LARS2: variants seen among roughly 807,000 people sequenced by gnomAD.
LARS2 encodes leucine--tRNA ligase, mitochondrial.
LARS2 carries 81 observed loss-of-function variants against 116.6 expected under a neutral mutation model. That is an observed-to-expected ratio of 0.69 (90% CI 0.58 to 0.84). The LOEUF (loss-of-function observed/expected upper bound fraction) is 0.84. Ranked by LOEUF, LARS2 falls within the 40% of genes least tolerant of loss-of-function variation. The probability of loss-of-function intolerance (pLI) is 0.00; values close to 1 mark genes in which losing one functional copy is unlikely to be tolerated. For missense variants in LARS2, 968 were observed against 1,114.5 expected, an observed-to-expected ratio of 0.87 and a Z score of 1.87; for synonymous variants, 396 against 407.2, an observed-to-expected ratio of 0.97 and a Z score of 0.33.
intron 10 of LARS2, among the ~76,000 whole-genome samples, chr3:45,480,325 T>C (rs1018992635): frequency 4.6e-5 from 7 of 152,248 alleles, no homozygotes; most frequent in Non-Finnish European, 1.0e-4. Flanking sequence ...CACGGAGCCC[T>C]GTTTCCATGC....
intron 7 of LARS2, among the ~76,000 whole-genome samples, chr3:45,447,183 A>G (rs1471410102): frequency 2.0e-5 from 3 of 152,064 alleles, no homozygotes; most frequent in Non-Finnish European, 4.4e-5. Flanking sequence ...CCCATAACCT[A>G]TTGTCTGGTT....
chr3:45,499,107 G>A (rs1700072432), intron 14 of LARS2, among the ~76,000 whole-genome samples: 2 of 151,946 alleles, frequency 1.3e-5, no homozygotes, highest in Admixed American at 1.3e-4. Flanking sequence ...CAGCTGGACT[G>A]AACGTAGCAA....
chr3:45,526,275 T>G (rs916944718), intron 20 of LARS2, among the ~76,000 whole-genome samples: 13 of 152,242 alleles, frequency 8.5e-5, no homozygotes, highest in Non-Finnish European at 1.8e-4. Flanking sequence ...ACCTCTCAAA[T>G]GAACAATTTT....
intron 10 of LARS2, among the ~76,000 whole-genome samples, chr3:45,479,449 G>C (rs1699663037): frequency 6.6e-6 from 1 of 152,162 alleles, no homozygotes; most frequent in Non-Finnish European, 1.5e-5. Context: ...GAGGGAACAG[G>C]TCTGAGAAGT....
chr3:45,517,300 A>T (rs951971056), intron 17 of LARS2, among the ~76,000 whole-genome samples: 1 of 152,204 alleles, frequency 6.6e-6, no homozygotes, highest in African/African-American at 2.4e-5. Flanking sequence ...AAGGACCTGG[A>T]CTGACCCTAA....
Position 45,491,688 on chromosome 3 carries a change from C to G in LARS2, c.1411C>G (p.Pro471Ala), listed in dbSNP as rs1188557066. Residue 471 changes from proline (P) to alanine (A), a missense_variant, in exon 13 of 22, where the codon CCT becomes GCT. By Grantham distance (27) the Pro-to-Ala change is conservative (BLOSUM62 -1). Transcript: ENST00000645846. ...CCACTGCCCAGTCTGTGGCCCCACACCTGTGCCCCTGGAGGACTTGCCTGT... is the reference window on the plus strand; with the variant it reads ...CCACTGCCCAGTCTGTGGCCCCACAGCTGTGCCCCTGGAGGACTTGCCTGT... ...IVHCPVCGPT[P>A]VPLEDLPVTL... 10 of 1,614,228 alleles carry G rather than the reference C, an allele frequency of 6.2e-6. No individual in the cohort carries two copies. Among genetic ancestry groups the G allele is most frequent in the Non-Finnish European group, 7.6e-6 (9 of 1,180,036 alleles).
chr3:45,445,284 C>T (rs1699000497), intron 6 of LARS2, among the ~76,000 whole-genome samples: 1 of 152,158 alleles, frequency 6.6e-6, no homozygotes, highest in African/African-American at 2.4e-5. Context: ...ATAGCTCCTG[C>T]CCTGGGTTTT....
At chr3:45,506,427 T>C (rs941233793) in intron 15 of LARS2, among the ~76,000 whole-genome samples, 2 of 152,112 alleles carry the variant, frequency 1.3e-5, no homozygotes, top group African/African-American at 4.8e-5. Context: ...TCCAAACAAC[T>C]TTATCAAGCT....
Position 45,547,654 on chromosome 3 carries a change from G to C in LARS2, c.*124G>C. 2 of 889,334 alleles carry C rather than the reference G, an allele frequency of 2.2e-6. No homozygotes were observed. The highest frequency in any genetic ancestry group is 3.4e-5 in the South Asian group (2 of 59,378). 55.1% of individuals were successfully genotyped at this position (889,334 alleles called of 1,614,324 possible). ...ACAAATGTCTTGACTGTTGACCTCG[G>C]TCCTGTGGCAGACTGCAGTCAACAG... On this transcript the variant is annotated 3_prime_UTR_variant, in exon 22 of 22. Transcript: ENST00000645846.
At chr3:45,519,923 C>T in intron 18 of LARS2, 1 of 302,794 alleles carries the variant, frequency 3.3e-6, no homozygotes, top group Non-Finnish European at 6.3e-6. Flanking sequence ...GCTAGGATTA[C>T]AGGTGTGAGC....
At chr3:45,435,922 G>T (rs181038969) in intron 6 of LARS2, among the ~76,000 whole-genome samples, 1 of 151,562 alleles carries the variant, frequency 6.6e-6, no homozygotes, top group African/African-American at 2.4e-5. Context: ...AGATCAGCAT[G>T]TGTGGTTTCA....
chr3:45,504,579 TAAAC>T (rs1263273086), intron 15 of LARS2, among the ~76,000 whole-genome samples: 1 of 152,002 alleles, frequency 6.6e-6, no homozygotes, highest in Admixed American at 6.6e-5. Context: ...ACTCCTCACA[TAAAC>T]AAATTTGTTA....
chr3:45,451,802 G>A (rs1042225818), intron 7 of LARS2, among the ~76,000 whole-genome samples: 1 of 151,860 alleles, frequency 6.6e-6, no homozygotes, highest in Non-Finnish European at 1.5e-5. Context: ...TGTAGTATGT[G>A]CATTTTAACA....
At chr3:45,490,593 C>G (rs1046313907) in intron 12 of LARS2, among the ~76,000 whole-genome samples, 2 of 152,174 alleles carry the variant, frequency 1.3e-5, no homozygotes, top group African/African-American at 4.8e-5. Flanking sequence ...CACTTCAGAC[C>G]ATTCATGAAA....
intron 6 of LARS2, among the ~76,000 whole-genome samples, chr3:45,430,881 G>A (rs1043621923): frequency 2.0e-5 from 3 of 152,060 alleles, no homozygotes; most frequent in Non-Finnish European, 2.9e-5. Context: ...CACTGCGCCC[G>A]GCCCAATTTT....
chr3:45,462,222 C>A (rs921655477), intron 8 of LARS2, among the ~76,000 whole-genome samples: 3 of 152,060 alleles, frequency 2.0e-5, no homozygotes, highest in African/African-American at 7.2e-5. Context: ...TTCTCTTGGC[C>A]CTTTCTTCCT....
chr3:45,458,134 AT>A (rs1699244227), intron 7 of LARS2, among the ~76,000 whole-genome samples: 1 of 151,958 alleles, frequency 6.6e-6, no homozygotes, highest in African/African-American at 2.4e-5. Flanking sequence ...AATAGGTACC[AT>A]TTTTTCTTCT....
intron 8 of LARS2, among the ~76,000 whole-genome samples, chr3:45,466,248 G>A (rs1181705777): frequency 2.0e-5 from 3 of 152,220 alleles, no homozygotes; most frequent in Non-Finnish European, 4.4e-5. Context: ...TCCATGGGAA[G>A]AGATGTATTT....
At chr3:45,480,161 G>A (rs1699673883) in intron 10 of LARS2, among the ~76,000 whole-genome samples, 1 of 152,164 alleles carries the variant, frequency 6.6e-6, no homozygotes, top group Non-Finnish European at 1.5e-5. Flanking sequence ...TTGATGTTAT[G>A]TGAAGGGAAA....
Sources: allele counts gnomAD v4.1 joint callset (sites outside exome capture counted in the v4.1 genomes callset), GRCh38; gene constraint gnomAD v4.1.1; transcripts MANE v1.5; gene names NCBI Gene and HGNC (gene_info 2026-07-23, HGNC 2026-07-21).